Variants in SH3KBP1 observed in about 807,000 individuals in gnomAD.
SH3KBP1 encodes the protein SH3 domain containing kinase binding protein 1.
A neutral mutation model predicts 50.1 loss-of-function variants in SH3KBP1; 8 were observed. That is an observed-to-expected ratio of 0.16 (90% CI 0.09 to 0.29). The LOEUF is 0.29. Among genes scored for constraint, SH3KBP1 ranks in the 10% least tolerant of loss-of-function variants. The pLI is 1.00. For missense variants in SH3KBP1, 377 were observed against 535.2 expected, an observed-to-expected ratio of 0.70 and a Z score of 2.92; for synonymous variants, 227 against 218.6, an observed-to-expected ratio of 1.04 and a Z score of -0.34.
intron 2 of SH3KBP1, among the ~76,000 whole-genome samples, chrX:19,757,735 G>T (rs1175394886): frequency 1.8e-5 from 2 of 110,724 alleles, no homozygotes; most frequent in Non-Finnish European, 3.8e-5. Context: ...TGTCTCCCGG[G>T]CGTGCGTCCT....
intron 12 of SH3KBP1, among the ~76,000 whole-genome samples, chrX:19,584,269 TTATA>T (rs71845740): frequency 3.1e-4 from 28 of 91,597 alleles, no homozygotes; most frequent in Non-Finnish European, 4.9e-4. Context: ...AAATACATAT[TTATA>T]TATATATAAA....
intron 12 of SH3KBP1, among the ~76,000 whole-genome samples, chrX:19,578,800 G>A (rs1476025447): frequency 8.9e-6 from 1 of 112,103 alleles, no homozygotes; most frequent in Non-Finnish European, 1.9e-5. Context: ...TACTGCTCAT[G>A]GAACTTGGAT....
chrX:19,665,509 C>T (rs1302298790), intron 6 of SH3KBP1, among the ~76,000 whole-genome samples: 4 of 111,484 alleles, frequency 3.6e-5, no homozygotes, highest in East Asian at 2.8e-4. Flanking sequence ...TTTTATAGCC[C>T]GGGTTTAGAG....
chrX:19,645,609 C>A, intron 6 of SH3KBP1, 134 bp from the exon 7 acceptor site: 1 of 479,698 alleles, frequency 2.1e-6, no homozygotes, highest in Admixed American at 3.6e-5. Context: ...ATGCCCTGCT[C>A]TGTATACTGG....
chrX:19,591,786 C>T (rs764130638), intron 11 of SH3KBP1, among the ~76,000 whole-genome samples: 57 of 112,150 alleles, frequency 5.1e-4, no homozygotes, highest in African/African-American at 1.8e-3. Flanking sequence ...CTTCAGGGTG[C>T]AGAGAGGGTG....
intron 13 of SH3KBP1, among the ~76,000 whole-genome samples, chrX:19,565,534 T>C (rs1480460544): frequency 9.0e-6 from 1 of 111,597 alleles, no homozygotes; most frequent in Non-Finnish European, 1.9e-5. Flanking sequence ...TATTAGTTCT[T>C]TCTTTCCTTA....
intron 2 of SH3KBP1, among the ~76,000 whole-genome samples, chrX:19,777,249 T>C (rs1260323058): frequency 2.7e-5 from 3 of 111,201 alleles, no homozygotes; most frequent in East Asian, 2.8e-4. Context: ...GTGGGAGGGT[T>C]AGACACAGAG....
chrX:19,652,069 C>A (rs2062143007), intron 6 of SH3KBP1, among the ~76,000 whole-genome samples: 1 of 111,243 alleles, frequency 9.0e-6, no homozygotes, highest in Non-Finnish European at 1.9e-5. Context: ...TAGCACCTAC[C>A]ACAACAGGCA....
chrX:19,839,078 CT>C (rs2068148599), intron 1 of SH3KBP1, among the ~76,000 whole-genome samples: 2 of 109,819 alleles, frequency 1.8e-5, no homozygotes, highest in South Asian at 3.8e-4. Flanking sequence ...CTTTCCACCC[CT>C]GACATTGGTG....
chrX:19,733,940 G>C (rs1603145438), intron 3 of SH3KBP1, among the ~76,000 whole-genome samples: 1 of 112,155 alleles, frequency 8.9e-6, no homozygotes, highest in South Asian at 3.7e-4. Flanking sequence ...CTTTCAGGAA[G>C]TCAATTTGAT....
At position 19,695,473 on chromosome X, in the gene SH3KBP1, G is replaced by C. The variant is rs902392745; in HGVS notation, c.520+139C>G. The C allele has an allele frequency of 1.8e-5, 13 of 726,448 alleles. No individual in the cohort carries two copies. In the East Asian group the frequency reaches 2.9e-4, roughly 16 times the overall value. The allele number at this position is 726,448 out of a possible 1,213,427, so 59.9% of individuals were successfully genotyped here. On this transcript the variant is annotated intron_variant, in intron 5 of 17. Coordinates refer to ENST00000397821, the MANE Select transcript of SH3KBP1 (RefSeq NM_031892.3). The stretch of plus-strand genomic sequence containing the variant: ...GGATCAACTTCCTAAACCACAGTGG[G>C]TTAAGGCAGTATAACCAAAAAAATA...
rs778039836 is a variant in SH3KBP1, at chrX:19,547,773, TG to T, written c.1495-1724del. Among the ~76,000 whole-genome samples the T allele has an allele frequency of 5.4e-5, 6 of 112,079 alleles. No individual in the cohort carries two copies. In the East Asian group the frequency reaches 1.7e-3, roughly 31 times the overall value. ...AGGCCCCAGGCTGGGGAATCATGAC[TG>T]GTGCATTTCCTCCATCATTTCCCCC... is the stretch of plus-strand genomic sequence containing the variant. On this transcript the variant is annotated intron_variant, in intron 14 of 17. Transcript: ENST00000397821.
intron 11 of SH3KBP1, 79 bp from the exon 12 acceptor site, chrX:19,588,881 TAA>T (rs374099976): frequency 1.1e-3 from 688 of 635,280 alleles, no homozygotes; most frequent in Middle Eastern, 2.0e-3. Context: ...CATTTCCTGC[TAA>T]AAAAAAAAAA....
intron 3 of SH3KBP1, among the ~76,000 whole-genome samples, chrX:19,717,588 C>T (rs1340800656): frequency 9.0e-6 from 1 of 111,062 alleles, no homozygotes; most frequent in African/African-American, 3.3e-5. Context: ...TATATATATA[C>T]CAAACAAACA....
At chrX:19,750,594 C>T (rs1393142879) in intron 2 of SH3KBP1, among the ~76,000 whole-genome samples, 1 of 111,898 alleles carries the variant, frequency 8.9e-6, no homozygotes, top group Non-Finnish European at 1.9e-5. Context: ...AAATATGTGA[C>T]ATGCATGCTG....
rs758716608 is a variant in SH3KBP1 at position 19,592,071 on chromosome X, T to C, written c.1134A>G (p.Glu378=). 8.3e-7 allele frequency: 1 copy of C among 1,199,096 alleles called. No individual in the cohort carries two copies. Among genetic ancestry groups the C allele is most frequent in the Admixed American group, 2.2e-5 (1 of 46,046 alleles). The part of the protein sequence containing the change: ...RPEMLPNRTE[E]KERPEREPKL... ...AATGAAGAATTGATTTCATACCTTT[T>C]TCTTCTGTTCTGTTTGGAAGCATTT... Residue 378 remains glutamate, a synonymous_variant, in exon 11 of 18, where the codon GAA becomes GAG. Transcript: ENST00000397821.
At chrX:19,542,442 A>G (rs1490870103) in intron 15 of SH3KBP1, among the ~76,000 whole-genome samples, 1 of 111,882 alleles carries the variant, frequency 8.9e-6, no homozygotes. Context: ...GACTGGTTCA[A>G]TATACACATT....
At chrX:19,793,313 A>AAAAAAAATATAT (rs1418807395) in intron 2 of SH3KBP1, among the ~76,000 whole-genome samples, 11 of 96,983 alleles carry the variant, frequency 1.1e-4, no homozygotes, top group African/African-American at 3.5e-4. Flanking sequence ...AGGAAAAAAA[A>AAAAAAAATATAT]ATATATATAT....
At chrX:19,824,585 G>A (rs1030268504) in intron 2 of SH3KBP1, among the ~76,000 whole-genome samples, 1 of 112,127 alleles carries the variant, frequency 8.9e-6, no homozygotes, top group Admixed American at 9.5e-5. Flanking sequence ...TAAATATCCA[G>A]TAATGATCAC....
Sources: gnomAD v4.1 joint callset for allele counts (sites outside exome capture counted in the v4.1 genomes callset) on GRCh38, gnomAD v4.1.1 for gene constraint, MANE v1.5 for transcripts, NCBI Gene and HGNC (gene_info 2026-07-23, HGNC 2026-07-21) for gene names.